RNF152: variants seen among roughly 807,000 people sequenced by gnomAD.
The protein encoded by RNF152 is E3 ubiquitin-protein ligase RNF152.
In RNF152, 11 loss-of-function variants were observed where a neutral mutation model predicts 12.7. The observed-to-expected ratio is 0.86, with a 90% CI of 0.54 to 1.43. The LOEUF (loss-of-function observed/expected upper bound fraction) is 1.43, where lower values mean the gene tolerates loss of function less well. Among genes scored for constraint, RNF152 ranks in the 40% most tolerant of loss-of-function variants. The pLI is 0.00. For synonymous variants in RNF152, 113 were observed against 120.3 expected (o/e 0.94, Z 0.40); for missense variants, 255 against 274.8 (o/e 0.93, Z 0.51).
chr18:61,835,613 A>G (rs972519830), intron 1 of RNF152, among the ~76,000 whole-genome samples: 3 of 152,198 alleles, frequency 2.0e-5, no homozygotes, highest in African/African-American at 4.8e-5. Context: ...ATAATAAATT[A>G]AAAAGGATAA....
At chr18:61,837,352 T>A (rs1380200229) in intron 1 of RNF152, among the ~76,000 whole-genome samples, 1 of 152,220 alleles carries the variant, frequency 6.6e-6, no homozygotes, top group Non-Finnish European at 1.5e-5. Flanking sequence ...TTTTAAAATA[T>A]GAACTGCATA....
intron 1 of RNF152, among the ~76,000 whole-genome samples, chr18:61,875,984 T>C (rs1912197438): frequency 6.6e-6 from 1 of 152,070 alleles, no homozygotes; most frequent in African/African-American, 2.4e-5. Context: ...TGGCTTCCTG[T>C]CAAATAAATC....
At chr18:61,817,150 G>T (rs1009959406) in intron 1 of RNF152, among the ~76,000 whole-genome samples, 3 of 152,200 alleles carry the variant, frequency 2.0e-5, no homozygotes, top group Admixed American at 6.5e-5. Context: ...GAGAAGTAAA[G>T]TGACACTGCA....
intron 1 of RNF152, among the ~76,000 whole-genome samples, chr18:61,836,257 G>T (rs113343948): frequency 2.4e-4 from 37 of 152,188 alleles, no homozygotes; most frequent in African/African-American, 8.7e-4. Flanking sequence ...CATGTCAAAA[G>T]GCCCCAGGAG....
At chr18:61,863,535 T>C (rs1911586929) in intron 1 of RNF152, among the ~76,000 whole-genome samples, 1 of 152,016 alleles carries the variant, frequency 6.6e-6, no homozygotes, top group Admixed American at 6.5e-5. Flanking sequence ...ACTTTTTACA[T>C]GGAAATAGTT....
chr18:61,825,562 C>T (rs1909620659), intron 1 of RNF152, among the ~76,000 whole-genome samples: 2 of 152,148 alleles, frequency 1.3e-5, no homozygotes, highest in African/African-American at 4.8e-5. Context: ...AACCACAAAC[C>T]TCAAGAGATG....
At chr18:61,850,673 TA>T (rs1412995845) in intron 1 of RNF152, among the ~76,000 whole-genome samples, 1 of 152,192 alleles carries the variant, frequency 6.6e-6, no homozygotes, top group Non-Finnish European at 1.5e-5. Context: ...GAAAAAAATA[TA>T]AATTCAGGAC....
At chr18:61,872,964 G>A (rs1472405239) in intron 1 of RNF152, among the ~76,000 whole-genome samples, 1 of 152,004 alleles carries the variant, frequency 6.6e-6, no homozygotes, top group Non-Finnish European at 1.5e-5. Context: ...AGCTTCCTTT[G>A]GTTGGTACTT....
intron 1 of RNF152, among the ~76,000 whole-genome samples, chr18:61,849,858 T>C (rs750442636): frequency 1.2e-4 from 19 of 152,294 alleles, no homozygotes; most frequent in Middle Eastern, 3.4e-3. Context: ...TGAGCCACCA[T>C]GCCCTGACAT....
intron 1 of RNF152, among the ~76,000 whole-genome samples, chr18:61,848,313 T>C (rs1453597932): frequency 2.0e-5 from 3 of 152,194 alleles, no homozygotes; most frequent in Middle Eastern, 3.2e-3. Context: ...TTGCAAGATA[T>C]CAGTGCTTCC....
intron 1 of RNF152, among the ~76,000 whole-genome samples, chr18:61,852,854 C>A (rs781144344): frequency 2.6e-5 from 4 of 152,078 alleles, no homozygotes; most frequent in African/African-American, 9.7e-5. Flanking sequence ...CTAATGGCCA[C>A]GAATAATTTC....
At chr18:61,881,599 G>A (rs758651147) in intron 1 of RNF152, among the ~76,000 whole-genome samples, 2 of 152,298 alleles carry the variant, frequency 1.3e-5, no homozygotes, top group Non-Finnish European at 2.9e-5. Flanking sequence ...AATGAATGCT[G>A]AAGCAACTAG....
intron 1 of RNF152, among the ~76,000 whole-genome samples, chr18:61,871,814 A>G (rs1480447479): frequency 6.6e-6 from 1 of 152,200 alleles, no homozygotes; most frequent in Non-Finnish European, 1.5e-5. Flanking sequence ...TTTTACAACT[A>G]TAAAATAAGA....
At chr18:61,841,812 G>T in intron 1 of RNF152, among the ~76,000 whole-genome samples, 1 of 152,180 alleles carries the variant, frequency 6.6e-6, no homozygotes, top group East Asian at 1.9e-4. Flanking sequence ...GCTTTCAGTG[G>T]CAAGGCTGTA....
chr18:61,884,074 A>G (rs888292222), intron 1 of RNF152, among the ~76,000 whole-genome samples: 15 of 152,316 alleles, frequency 9.8e-5, no homozygotes, highest in South Asian at 6.2e-4. Flanking sequence ...ACTGAGCCCA[A>G]TGATTGGTGG....
intron 1 of RNF152, among the ~76,000 whole-genome samples, chr18:61,871,107 C>T (rs1040874690): frequency 1.3e-5 from 2 of 152,056 alleles, no homozygotes; most frequent in Admixed American, 6.5e-5. Context: ...TTGGCTACTA[C>T]AACCTCTCGG....
At chr18:61,880,340 C>T (rs913224827) in intron 1 of RNF152, among the ~76,000 whole-genome samples, 6 of 152,194 alleles carry the variant, frequency 3.9e-5, no homozygotes, top group African/African-American at 7.2e-5. Context: ...TTACACTGAA[C>T]CAGTTTTCAA....
chr18:61,825,846 TG>T (rs1309826693), intron 1 of RNF152, among the ~76,000 whole-genome samples: 1 of 152,184 alleles, frequency 6.6e-6, no homozygotes, highest in African/African-American at 2.4e-5. Context: ...GAACTACACA[TG>T]TTCCCTACTC....
chr18:61,831,377 T>C (rs1347942259), intron 1 of RNF152, among the ~76,000 whole-genome samples: 2 of 152,220 alleles, frequency 1.3e-5, no homozygotes, highest in Admixed American at 6.5e-5. Flanking sequence ...TCCTGCTCTC[T>C]AAGTGGACAC....
Sources: gnomAD v4.1 joint callset for allele counts (sites outside exome capture counted in the v4.1 genomes callset) on GRCh38, gnomAD v4.1.1 for gene constraint, MANE v1.5 for transcripts, NCBI Gene and HGNC (gene_info 2026-07-23, HGNC 2026-07-21) for gene names.